The following UBE2W variants were observed in gnomAD, a reference collection of about 807,000 sequenced individuals.
The protein encoded by UBE2W is ubiquitin-conjugating enzyme E2 W.
Under a neutral mutation model 27.2 loss-of-function variants are expected in UBE2W, and 18 were observed. The ratio of observed to expected loss-of-function variants is 0.66; its 90% CI spans 0.46 to 0.98. The LOEUF (loss-of-function observed/expected upper bound fraction) is 0.98. Among genes scored for constraint, UBE2W ranks in the 50% least tolerant of loss-of-function variants. The pLI, the probability that UBE2W is intolerant of heterozygous loss-of-function variation, is 0.00. For missense variants in UBE2W, 90 were observed against 180.2 expected (o/e 0.50, Z 2.87); for synonymous variants, 53 against 57.2 (o/e 0.93, Z 0.33).
Position 73,805,727 on chromosome 8 carries a change from C to T in UBE2W, c.367-1G>A. On this transcript the variant is annotated splice_acceptor_variant, in intron 4 of 5. Coordinates refer to ENST00000602593, the MANE Select transcript of UBE2W (RefSeq NM_018299.6). LOFTEE classifies it high-confidence loss of function. ...AAAAAGAATTATCCGGTGGTCGTCT[C>T]TGAAACAAAAAATAATTTAAATAGG... 1 of 1,498,248 alleles carries T rather than the reference C, an allele frequency of 6.7e-7. No individual in the cohort carries two copies. Among genetic ancestry groups the T allele is most frequent in the Non-Finnish European group, 9.0e-7 (1 of 1,113,684 alleles). The allele number at this position is 1,498,248 out of a possible 1,614,324, so 92.8% of individuals were successfully genotyped here.
intron 1 of UBE2W, among the ~76,000 whole-genome samples, chr8:73,846,349 T>C (rs1333848341): frequency 6.6e-6 from 1 of 151,980 alleles, no homozygotes; most frequent in East Asian, 1.9e-4. Flanking sequence ...TGAGTCAATA[T>C]TGCACCACTG....
intron 3 of UBE2W, among the ~76,000 whole-genome samples, chr8:73,821,072 G>A (rs1430145145): frequency 6.6e-6 from 1 of 152,162 alleles, no homozygotes; most frequent in East Asian, 1.9e-4. Context: ...CACTTTCAGA[G>A]AGAAAATTAC....
chr8:73,821,404 C>T (rs184771904), intron 3 of UBE2W, among the ~76,000 whole-genome samples: 336 of 151,718 alleles, frequency 2.2e-3, no homozygotes, highest in African/African-American at 7.7e-3. Context: ...TGTGACTATA[C>T]AGGGACTTGA....
chr8:73,800,733 A>G (rs752850519), intron 5 of UBE2W, among the ~76,000 whole-genome samples: 6 of 152,210 alleles, frequency 3.9e-5, no homozygotes, highest in Non-Finnish European at 8.8e-5. Context: ...TACTAAAAAG[A>G]ACTTTCTACT....
intron 1 of UBE2W, among the ~76,000 whole-genome samples, chr8:73,875,796 T>C (rs1274536687): frequency 6.6e-6 from 1 of 152,152 alleles, no homozygotes; most frequent in East Asian, 1.9e-4. Flanking sequence ...ACACCTGTAA[T>C]CCTAGTACTT....
chr8:73,823,688 T>G (rs78854633), intron 3 of UBE2W, among the ~76,000 whole-genome samples: 1 of 152,140 alleles, frequency 6.6e-6, no homozygotes, highest in South Asian at 2.1e-4. Context: ...GAGGTCACAA[T>G]AGCACATACC....
At chr8:73,864,769 G>A (rs1293521630) in intron 1 of UBE2W, among the ~76,000 whole-genome samples, 1 of 126,484 alleles carries the variant, frequency 7.9e-6, no homozygotes, top group Non-Finnish European at 1.7e-5. Flanking sequence ...GGGGCGGGGG[G>A]GGCTGAGGGG....
chr8:73,833,184 CAAAAAAA>C (rs1202478660), intron 1 of UBE2W, among the ~76,000 whole-genome samples: 4 of 31,378 alleles, frequency 1.3e-4, no homozygotes, highest in Non-Finnish European at 2.4e-4. Context: ...GACTCCACCT[CAAAAAAA>C]AAAAAAAAAA....
At position 73,836,089 on chromosome 8, in the gene UBE2W, G is replaced by A. The variant is rs150530008; in HGVS notation, c.16-5617C>T. Among the ~76,000 whole-genome samples the A allele has an allele frequency of 1.1e-3, 167 of 152,222 alleles. 1 individual carries two copies. The highest frequency in any genetic ancestry group is 3.7e-3 in the African/African-American group (153 of 41,546). ...ATCGCTAAGTTTAAGGGTTTGTTAC[G>A]CACTGATAGATAATACAGGACCACT... On this transcript the variant is annotated intron_variant, in intron 1 of 5. Coordinates refer to ENST00000602593, the MANE Select transcript of UBE2W (RefSeq NM_018299.6).
At chr8:73,844,917 C>T (rs1438186523) in intron 1 of UBE2W, among the ~76,000 whole-genome samples, 1 of 151,900 alleles carries the variant, frequency 6.6e-6, no homozygotes, top group African/African-American at 2.4e-5. Flanking sequence ...CCGGCAGCCG[C>T]CCGGTCTGGG....
At chr8:73,873,355 T>C (rs949430251) in intron 1 of UBE2W, among the ~76,000 whole-genome samples, 4 of 152,176 alleles carry the variant, frequency 2.6e-5, no homozygotes, top group African/African-American at 9.7e-5. Context: ...TATAGCCAAT[T>C]ACTTGAGCAA....
At chr8:73,867,735 T>A (rs79051444) in intron 1 of UBE2W, among the ~76,000 whole-genome samples, 8,645 of 150,606 alleles carry the variant, frequency 0.057, 841 homozygotes, top group African/African-American at 0.2. Flanking sequence ...AAAAAAATTA[T>A]TGGGCAAAAA....
At chr8:73,801,192 A>C (rs1808626271) in intron 5 of UBE2W, among the ~76,000 whole-genome samples, 1 of 152,216 alleles carries the variant, frequency 6.6e-6, no homozygotes, top group African/African-American at 2.4e-5. Flanking sequence ...CCCATTTCTT[A>C]TTCAAAAGCA....
intron 5 of UBE2W, among the ~76,000 whole-genome samples, chr8:73,798,429 C>T (rs997112312): frequency 6.6e-6 from 1 of 152,128 alleles, no homozygotes; most frequent in African/African-American, 2.4e-5. Flanking sequence ...TGCAAATATT[C>T]GAGAAAAACA....
At chr8:73,780,497 G>A in exon 5 of UBE2W, 1 of 453,014 alleles carries the variant, frequency 2.2e-6, no homozygotes, top group Non-Finnish European at 4.4e-6. Flanking sequence ...GTAATAGATA[G>A]TATGAAGGCA....
At chr8:73,854,394 C>T (rs1811201799) in intron 1 of UBE2W, among the ~76,000 whole-genome samples, 1 of 152,090 alleles carries the variant, frequency 6.6e-6, no homozygotes, top group Non-Finnish European at 1.5e-5. Flanking sequence ...AGTTCTATGA[C>T]TTAAAAAGAA....
chr8:73,845,810 T>C (rs897260549), intron 1 of UBE2W, among the ~76,000 whole-genome samples: 4 of 149,880 alleles, frequency 2.7e-5, no homozygotes, highest in Admixed American at 6.6e-5. Flanking sequence ...TTAAGAACAA[T>C]GATGTCAGCA....
rs1808227687 is a variant in UBE2W at position 73,792,087 on chromosome 8, AGTAGT to A, written c.*2010_*2014del. 2.0e-6 allele frequency: 2 copies of A among 985,318 alleles called. No homozygotes were observed. Among genetic ancestry groups the A allele is most frequent in the East Asian group, 1.1e-4 (1 of 8,816 alleles). 61.0% of individuals were successfully genotyped at this position (985,318 alleles called of 1,614,324 possible). ...CCCCCAGAAGAAGATCAAGTCAAAC[AGTAGT>A]GTAGAGCAGTTACGCAAAATATGAA... On this transcript the variant is annotated 3_prime_UTR_variant, in exon 6 of 6. Coordinates refer to ENST00000602593, the MANE Select transcript of UBE2W (RefSeq NM_018299.6).
At chr8:73,821,806 G>A (rs971545145) in intron 3 of UBE2W, among the ~76,000 whole-genome samples, 1 of 152,072 alleles carries the variant, frequency 6.6e-6, no homozygotes, top group African/African-American at 2.4e-5. Flanking sequence ...CTCGAGACTA[G>A]TCTGGGCAAC....
Sources: allele counts gnomAD v4.1 joint callset (sites outside exome capture counted in the v4.1 genomes callset), GRCh38; gene constraint gnomAD v4.1.1; transcripts MANE v1.5; gene names NCBI Gene and HGNC (gene_info 2026-07-23, HGNC 2026-07-21).